Variants in KHDRBS2 observed in about 807,000 individuals in gnomAD.
The protein encoded by KHDRBS2 is KH RNA binding domain containing, signal transduction associated 2, also known as KH domain-containing, RNA-binding, signal transduction-associated protein 2.
Under a neutral mutation model 44.3 loss-of-function variants are expected in KHDRBS2, and 26 were observed. The ratio of observed to expected loss-of-function variants is 0.59; its 90% CI spans 0.43 to 0.81. The LOEUF (loss-of-function observed/expected upper bound fraction) is 0.81. KHDRBS2 is among the 40% of genes least tolerant of loss of function. The pLI is 0.00. For synonymous variants in KHDRBS2, 194 were observed against 151.1 expected (o/e 1.28, Z -2.08); for missense variants, 476 against 433.1 (o/e 1.10, Z -0.88).
rs376994190 is a variant in KHDRBS2, at chr6:62,110,043, A to G, written c.220-62049T>C. Among the ~76,000 whole-genome samples the G allele has an allele frequency of 3.8e-3, 579 of 152,070 alleles. 1 individual carries two copies. The highest frequency in any genetic ancestry group is 0.014 in the African/African-American group (561 of 41,550). ...CTAATACAGTGATAAATTGATCTTCATCAAAATTAAAATTTCTGCTCAAGT... is the reference window on the plus strand; with the variant it reads ...CTAATACAGTGATAAATTGATCTTCGTCAAAATTAAAATTTCTGCTCAAGT... On this transcript the variant is annotated intron_variant, in intron 2 of 8. Transcript: ENST00000281156.
the KHDRBS2 span, among the ~76,000 whole-genome samples, chr6:61,558,758 A>G: frequency 5.9e-5 from 9 of 151,840 alleles, no homozygotes; most frequent in Non-Finnish European, 1.3e-4. Flanking sequence ...TTCTCGTATT[A>G]TTTTATTTTG....
chr6:62,138,511 T>C (rs1812062495), intron 2 of KHDRBS2, among the ~76,000 whole-genome samples: 1 of 152,238 alleles, frequency 6.6e-6, no homozygotes, highest in African/African-American at 2.4e-5. Flanking sequence ...TTGTCTTTTA[T>C]TTCTGTGACC....
At chr6:62,166,718 A>C (rs961733303) in intron 2 of KHDRBS2, among the ~76,000 whole-genome samples, 1 of 152,058 alleles carries the variant, frequency 6.6e-6, no homozygotes, top group African/African-American at 2.4e-5. Flanking sequence ...CAAAATCAAT[A>C]ATAAAATGGA....
rs372347511 is a variant in KHDRBS2 at position 62,100,480 on chromosome 6, C to T, written c.220-52486G>A. 1.1e-4 allele frequency among the ~76,000 whole-genome samples: 17 copies of T among 152,262 alleles called. No individual in the cohort carries two copies. The East Asian group carries it at 1.2e-3, about 10-fold the overall frequency. ...AGTAAAATGCTATCAAACAGCATCA[C>T]ATGCTACAGAGAAACATTTCATAAG... is the stretch of plus-strand genomic sequence containing the variant. On this transcript the variant is annotated intron_variant, in intron 2 of 8. Coordinates refer to ENST00000281156, the MANE Select transcript of KHDRBS2 (RefSeq NM_152688.4).
chr6:61,664,266 A>T, the KHDRBS2 span, among the ~76,000 whole-genome samples: 3 of 151,774 alleles, frequency 2.0e-5, no homozygotes, highest in Non-Finnish European at 4.4e-5. Context: ...TGGAAGGTTG[A>T]CATATTTGAA....
At chr6:61,860,728 T>C (rs1184798086) in intron 6 of KHDRBS2, among the ~76,000 whole-genome samples, 3 of 152,106 alleles carry the variant, frequency 2.0e-5, no homozygotes, top group Non-Finnish European at 2.9e-5. Context: ...CCTTTGGGTA[T>C]ATATCCAGTA....
At chr6:62,060,067 G>A (rs1451727593) in intron 2 of KHDRBS2, among the ~76,000 whole-genome samples, 1 of 151,776 alleles carries the variant, frequency 6.6e-6, no homozygotes, top group African/African-American at 2.4e-5. Flanking sequence ...GAGAAGTTGG[G>A]GCGGGGACAG....
intron 1 of KHDRBS2, among the ~76,000 whole-genome samples, chr6:62,240,668 GTGTGTATATATATATA>G (rs1294650931): frequency 5.1e-4 from 34 of 66,390 alleles, no homozygotes; most frequent in African/African-American, 1.7e-3. Flanking sequence ...ATGTATGTGT[GTGTGTATATATATATA>G]TATATATATA....
chr6:61,774,938 C>T (rs1158850650), intron 6 of KHDRBS2, among the ~76,000 whole-genome samples: 1 of 152,090 alleles, frequency 6.6e-6, no homozygotes, highest in East Asian at 1.9e-4. Context: ...AAAGGCTCAT[C>T]CACCATGATC....
chr6:62,048,736 GAGCAGTTACGAA>G (rs1212873860), intron 2 of KHDRBS2, among the ~76,000 whole-genome samples: 3 of 151,844 alleles, frequency 2.0e-5, no homozygotes, highest in Non-Finnish European at 4.4e-5. Context: ...AGTGAACTAA[GAGCAGTTACGAA>G]AGCATTTATG....
At chr6:61,570,921 A>G in the KHDRBS2 span, among the ~76,000 whole-genome samples, 1 of 152,164 alleles carries the variant, frequency 6.6e-6, no homozygotes, top group Non-Finnish European at 1.5e-5. Flanking sequence ...CAGGAGTTCT[A>G]TATCTTGATA....
chr6:61,630,994 C>A, the KHDRBS2 span, among the ~76,000 whole-genome samples: 1 of 152,032 alleles, frequency 6.6e-6, no homozygotes. Flanking sequence ...AGTAACACTT[C>A]GTCTTTCTTT....
intron 1 of KHDRBS2, among the ~76,000 whole-genome samples, chr6:62,261,271 C>T (rs1285408869): frequency 6.6e-6 from 1 of 151,856 alleles, no homozygotes; most frequent in Admixed American, 6.6e-5. Flanking sequence ...TTTCTCCAGT[C>T]TCCTCATTCC....
At chr6:62,148,290 T>C (rs191688245) in intron 2 of KHDRBS2, among the ~76,000 whole-genome samples, 2 of 151,998 alleles carry the variant, frequency 1.3e-5, no homozygotes, top group Non-Finnish European at 2.9e-5. Context: ...AGGCATAAAT[T>C]AGCTAAACTA....
At chr6:62,074,631 C>G (rs1476003974) in intron 2 of KHDRBS2, among the ~76,000 whole-genome samples, 1 of 151,872 alleles carries the variant, frequency 6.6e-6, no homozygotes, top group African/African-American at 2.4e-5. Context: ...ATCAACGTTT[C>G]AAGAACTTTA....
intron 4 of KHDRBS2, among the ~76,000 whole-genome samples, chr6:61,934,403 G>T (rs12214181): frequency 6.6e-6 from 1 of 152,004 alleles, no homozygotes; most frequent in Non-Finnish European, 1.5e-5. Flanking sequence ...ATTTCCCCTA[G>T]GAGACTAGCT....
intron 7 of KHDRBS2, among the ~76,000 whole-genome samples, chr6:61,722,011 G>A (rs1259101931): frequency 4.6e-5 from 7 of 150,656 alleles, no homozygotes; most frequent in East Asian, 2.0e-4. Flanking sequence ...TTTGTCAAAG[G>A]CCTTTTCTGC....
At chr6:62,095,214 T>C (rs1180947156) in intron 2 of KHDRBS2, among the ~76,000 whole-genome samples, 3 of 151,840 alleles carry the variant, frequency 2.0e-5, no homozygotes, top group Admixed American at 6.6e-5. Context: ...ATGAAATAAA[T>C]AAAATACCTA....
chr6:62,152,705 G>A (rs959642427), intron 2 of KHDRBS2, among the ~76,000 whole-genome samples: 2 of 152,112 alleles, frequency 1.3e-5, no homozygotes, highest in African/African-American at 2.4e-5. Flanking sequence ...CCTCATTGAG[G>A]TCCATTTATC....
Sources: allele counts gnomAD v4.1 joint callset (sites outside exome capture counted in the v4.1 genomes callset), GRCh38; gene constraint gnomAD v4.1.1; transcripts MANE v1.5; gene names NCBI Gene and HGNC (gene_info 2026-07-23, HGNC 2026-07-21).